Variants in ZBTB44 observed in about 807,000 individuals in gnomAD.
ZBTB44 encodes the protein zinc finger and BTB domain containing 44, also known as zinc finger and BTB domain-containing protein 44.
ZBTB44 carries 15 observed loss-of-function variants against 54.0 expected under a neutral mutation model. The observed-to-expected ratio is 0.28, with a 90% CI of 0.19 to 0.43. The LOEUF is 0.43. Ranked by LOEUF, ZBTB44 falls within the 20% of genes least tolerant of loss-of-function variation. The pLI, the probability that ZBTB44 is intolerant of heterozygous loss-of-function variation, is 1.00. For missense variants in ZBTB44, 487 were observed against 707.1 expected (o/e 0.69, Z 3.53); for synonymous variants, 230 against 250.1 (o/e 0.92, Z 0.76).
intron 4 of ZBTB44, among the ~76,000 whole-genome samples, chr11:130,237,911 C>T (rs1345500229): frequency 6.6e-6 from 1 of 152,166 alleles, no homozygotes; most frequent in Non-Finnish European, 1.5e-5. Flanking sequence ...AATTTCAAAT[C>T]CCCTCTATAC....
At chr11:130,294,413 AAAAAAT>A (rs560293483) in intron 1 of ZBTB44, among the ~76,000 whole-genome samples, 108 of 147,394 alleles carry the variant, frequency 7.3e-4, no homozygotes, top group Admixed American at 4.7e-3. Flanking sequence ...CTCTGTCTTA[AAAAAAT>A]AAAAATAAAA....
chr11:130,279,670 A>ACCAACCAG (rs1940369562), intron 1 of ZBTB44, among the ~76,000 whole-genome samples: 1 of 151,866 alleles, frequency 6.6e-6, no homozygotes, highest in Non-Finnish European at 1.5e-5. Flanking sequence ...AAACCAACCA[A>ACCAACCAG]CCAACCAACC....
intron 1 of ZBTB44, among the ~76,000 whole-genome samples, chr11:130,274,091 A>T (rs1045504338): frequency 6.7e-6 from 1 of 148,494 alleles, no homozygotes; most frequent in Non-Finnish European, 1.5e-5. Context: ...GTCTCAAATA[A>T]AAAAAAAAAA....
intron 1 of ZBTB44, among the ~76,000 whole-genome samples, chr11:130,290,181 AGGT>A (rs1260738896): frequency 3.3e-5 from 5 of 152,154 alleles, no homozygotes; most frequent in Non-Finnish European, 5.9e-5. Flanking sequence ...GGGGAAGAGG[AGGT>A]GGTGTAGCAA....
chr11:130,228,886 C>T lies in ZBTB44; in HGVS notation c.*2878G>A, dbSNP rs913642491. ...CATCAGCAACATCAGTCAATTTAAA[C>T]GAGAAAGGAACTAATAAAAGAATTT... On this transcript the variant is annotated 3_prime_UTR_variant, in exon 8 of 8. Coordinates refer to ENST00000357899, the MANE Select transcript of ZBTB44 (RefSeq NM_001301098.2). 3 of 152,082 alleles carry T rather than the reference C, an allele frequency of 2.0e-5. No individual in the cohort carries two copies. Among genetic ancestry groups the T allele is most frequent in the South Asian group, 2.1e-4 (1 of 4,834 alleles). The allele number at this position is 152,082 out of a possible 1,614,324, so 9.4% of individuals were successfully genotyped here.
At chr11:130,234,120 G>A (rs1335669026) in intron 6 of ZBTB44, 36 bp downstream of exon 6, 32 of 1,543,606 alleles carry the variant, frequency 2.1e-5, no homozygotes, top group Middle Eastern at 3.4e-4. Flanking sequence ...GAGACCCCAA[G>A]GGAAAAGTGC....
At chr11:130,248,418 A>T (rs1430585851) in intron 2 of ZBTB44, among the ~76,000 whole-genome samples, 1 of 152,008 alleles carries the variant, frequency 6.6e-6, no homozygotes, top group Non-Finnish European at 1.5e-5. Context: ...GAGGCAGGCG[A>T]TCACTTGAGG....
intron 1 of ZBTB44, among the ~76,000 whole-genome samples, chr11:130,297,161 A>G (rs934485635): frequency 6.6e-6 from 1 of 152,206 alleles, no homozygotes; most frequent in Non-Finnish European, 1.5e-5. Flanking sequence ...ATCTAACAAG[A>G]GCATAAATTG....
intron 1 of ZBTB44, among the ~76,000 whole-genome samples, chr11:130,302,227 G>A (rs1218940064): frequency 6.6e-6 from 1 of 152,070 alleles, no homozygotes; most frequent in Admixed American, 6.6e-5. Context: ...GGAAAAGGCA[G>A]CATAGACAAG....
At chr11:130,254,848 G>C (rs961285697) in intron 2 of ZBTB44, among the ~76,000 whole-genome samples, 1 of 152,100 alleles carries the variant, frequency 6.6e-6, no homozygotes, top group African/African-American at 2.4e-5. Flanking sequence ...TGATAGACAG[G>C]ATTAAGAAAA....
intron 2 of ZBTB44, among the ~76,000 whole-genome samples, chr11:130,259,075 G>C (rs1445994295): frequency 6.6e-6 from 1 of 152,136 alleles, no homozygotes; most frequent in Admixed American, 6.6e-5. Flanking sequence ...AATAAGAGAG[G>C]ACACAAATAA....
intron 2 of ZBTB44, among the ~76,000 whole-genome samples, chr11:130,247,366 G>C (rs1301314115): frequency 1.3e-5 from 2 of 152,206 alleles, no homozygotes; most frequent in Non-Finnish European, 2.9e-5. Context: ...GGTGCCACCT[G>C]CCCTTGGCTG....
intron 1 of ZBTB44, among the ~76,000 whole-genome samples, chr11:130,293,313 A>C (rs1041176897): frequency 3.3e-5 from 5 of 150,798 alleles, no homozygotes; most frequent in African/African-American, 1.2e-4. Flanking sequence ...AATTAAAAAA[A>C]AAAAAAAAAA....
rs754879446 is a variant in ZBTB44, at chr11:130,261,906, G to T, written c.-33C>A. 1 of 1,543,240 alleles carries T rather than the reference G, an allele frequency of 6.5e-7. No individual in the cohort carries two copies. Among genetic ancestry groups the T allele is most frequent in the Admixed American group, 2.0e-5 (1 of 49,674 alleles). ...TTCCTCTTCTACAGATGCTCTTCAA[G>T]GATGCAAATAAATCAGAAATGTCCT... On this transcript the variant is annotated 5_prime_UTR_variant, in exon 2 of 8. Coordinates refer to ENST00000357899, the MANE Select transcript of ZBTB44 (RefSeq NM_001301098.2). The surrounding 1 kb of genome is among the most constrained non-coding windows in gnomAD (Gnocchi z 4.8).
chr11:130,234,857 G>C (rs1055639594), intron 5 of ZBTB44, among the ~76,000 whole-genome samples: 15 of 152,146 alleles, frequency 9.9e-5, no homozygotes, highest in Non-Finnish European at 4.4e-5. Context: ...CCTTGAGATT[G>C]GTTATGTGAT....
intron 1 of ZBTB44, among the ~76,000 whole-genome samples, chr11:130,281,534 A>T (rs1199348984): frequency 6.6e-6 from 1 of 150,474 alleles, no homozygotes; most frequent in Non-Finnish European, 1.5e-5. Flanking sequence ...TAAATAAATA[A>T]ATAAATAAAT....
Position 130,230,594 on chromosome 11 carries a change from A to G in ZBTB44, c.*1170T>C, listed in dbSNP as rs1225247832. ...AATTGATAAAAAAAAAAAACTGGCAATGTAACTAAATGCGTAACTAATTAC... is the reference window on the plus strand; with the variant it reads ...AATTGATAAAAAAAAAAAACTGGCAGTGTAACTAAATGCGTAACTAATTAC... On this transcript the variant is annotated 3_prime_UTR_variant, in exon 8 of 8. Transcript: ENST00000357899. The G allele has an allele frequency of 6.6e-6, 1 of 151,738 alleles. No homozygotes were observed. The highest frequency in any genetic ancestry group is 2.1e-4 in the South Asian group (1 of 4,828). The allele number at this position is 151,738 out of a possible 1,614,324, so 9.4% of individuals were successfully genotyped here. A position where few individuals can be genotyped will look rare whatever the true frequency, so the allele number is the denominator to read the frequency against.
At chr11:130,274,185 A>T (rs1228114768) in intron 1 of ZBTB44, among the ~76,000 whole-genome samples, 1 of 152,222 alleles carries the variant, frequency 6.6e-6, no homozygotes, top group Non-Finnish European at 1.5e-5. Context: ...AAAACCCGAA[A>T]TCCAAAATGC....
intron 1 of ZBTB44, among the ~76,000 whole-genome samples, chr11:130,298,892 TG>T (rs745584431): frequency 5.3e-5 from 8 of 151,448 alleles, no homozygotes; most frequent in Non-Finnish European, 1.0e-4. Flanking sequence ...ATCTGCAGCT[TG>T]GGAAACATGG....
Sources: allele counts gnomAD v4.1 joint callset (sites outside exome capture counted in the v4.1 genomes callset), GRCh38; gene constraint gnomAD v4.1.1; non-coding constraint Gnocchi (gnomAD v3.1); transcripts MANE v1.5; gene names NCBI Gene and HGNC (gene_info 2026-07-23, HGNC 2026-07-21).